ADCY2: variants seen among roughly 807,000 people sequenced by gnomAD.
The protein encoded by ADCY2 is adenylate cyclase 2.
In ADCY2, 31 loss-of-function variants were observed where a neutral mutation model predicts 125.2. The ratio of observed to expected loss-of-function variants is 0.25; its 90% confidence interval spans 0.19 to 0.33. The LOEUF (loss-of-function observed/expected upper bound fraction) is 0.33. ADCY2 is among the 10% of genes least tolerant of loss of function. The probability of loss-of-function intolerance (pLI) is 1.00; values close to 1 mark genes in which losing one functional copy is unlikely to be tolerated. For synonymous variants in ADCY2, 512 were observed against 548.4 expected (o/e 0.93, Z 0.93); for missense variants, 904 against 1,418.2 (o/e 0.64, Z 5.82).
At chr5:7,607,418 G>A (rs540619322) in intron 3 of ADCY2, among the ~76,000 whole-genome samples, 1 of 152,120 alleles carries the variant, frequency 6.6e-6, no homozygotes, top group Non-Finnish European at 1.5e-5. Context: ...TATTCACTTG[G>A]GGAGATTTAT....
chr5:7,727,776 C>A (rs982230078), intron 14 of ADCY2, among the ~76,000 whole-genome samples: 3 of 152,016 alleles, frequency 2.0e-5, no homozygotes, highest in African/African-American at 7.2e-5. Context: ...TTCAGCCGAC[C>A]TCTCCCCGGA....
At chr5:7,631,853 T>C (rs1738321121) in intron 4 of ADCY2, among the ~76,000 whole-genome samples, 2 of 152,100 alleles carry the variant, frequency 1.3e-5, no homozygotes, top group African/African-American at 4.8e-5. Flanking sequence ...CATGTGGTGG[T>C]GAGTTATTCA....
chr5:7,791,163 G>A (rs73737630), intron 20 of ADCY2, among the ~76,000 whole-genome samples: 1,643 of 152,122 alleles, frequency 0.011, 28 homozygotes, highest in African/African-American at 0.038. Context: ...GCAGCCATCC[G>A]TGTGGGAACA....
intron 2 of ADCY2, among the ~76,000 whole-genome samples, chr5:7,489,054 T>C (rs1260947843): frequency 6.6e-6 from 1 of 152,080 alleles, no homozygotes; most frequent in African/African-American, 2.4e-5. Flanking sequence ...GCAAGAAAAA[T>C]ATGCAAAACA....
chr5:7,466,081 C>T (rs1045674376), intron 2 of ADCY2, among the ~76,000 whole-genome samples: 1 of 152,094 alleles, frequency 6.6e-6, no homozygotes, highest in African/African-American at 2.4e-5. Context: ...TATTATGTGC[C>T]AGTAATGATT....
intron 1 of ADCY2, among the ~76,000 whole-genome samples, chr5:7,401,069 A>G (rs1561004842): frequency 6.6e-6 from 1 of 152,210 alleles, no homozygotes. Context: ...TGACCTTGGG[A>G]AAATTGTTTA....
At chr5:7,498,389 C>G (rs1743423220) in intron 2 of ADCY2, among the ~76,000 whole-genome samples, 1 of 151,802 alleles carries the variant, frequency 6.6e-6, no homozygotes, top group South Asian at 2.1e-4. Context: ...GCTGGGACTA[C>G]AGGCGCCCCC....
intron 1 of ADCY2, among the ~76,000 whole-genome samples, chr5:7,402,335 T>C (rs1739293775): frequency 6.6e-6 from 1 of 152,234 alleles, no homozygotes; most frequent in African/African-American, 2.4e-5. Context: ...AGTCCTTTTT[T>C]GGTATAAGGA....
intron 2 of ADCY2, among the ~76,000 whole-genome samples, chr5:7,464,909 T>C (rs1742047261): frequency 6.6e-6 from 1 of 152,174 alleles, no homozygotes. Flanking sequence ...CGAGACTGGG[T>C]AATTTTTAAT....
At chr5:7,505,516 A>T (rs1561062813) in intron 2 of ADCY2, among the ~76,000 whole-genome samples, 1 of 152,200 alleles carries the variant, frequency 6.6e-6, no homozygotes, top group African/African-American at 2.4e-5. Flanking sequence ...CATCCCCCTG[A>T]TGGGTTGGAG....
intron 2 of ADCY2, among the ~76,000 whole-genome samples, chr5:7,438,313 A>G (rs1274583971): frequency 1.3e-5 from 2 of 152,254 alleles, no homozygotes; most frequent in Admixed American, 6.5e-5. Context: ...AGAGCAGGAA[A>G]CAGAAGGAAT....
At chr5:7,499,793 A>G (rs1488887253) in intron 2 of ADCY2, among the ~76,000 whole-genome samples, 1 of 150,664 alleles carries the variant, frequency 6.6e-6, no homozygotes, top group African/African-American at 2.4e-5. Flanking sequence ...AAAAGCAAAG[A>G]AAACTGCCCA....
rs574785538 is a variant in ADCY2 at position 7,652,451 on chromosome 5, C to T, written c.720+26135C>T. ...CCATTGATCTTTTTTAAAGCGTGGCCGTATAGTTAACATTATAACAACAAT... is the reference window on the plus strand; with the variant it reads ...CCATTGATCTTTTTTAAAGCGTGGCTGTATAGTTAACATTATAACAACAAT... On this transcript the variant is annotated intron_variant, in intron 4 of 24. Transcript: ENST00000338316. Among the ~76,000 whole-genome samples the T allele has an allele frequency of 3.9e-5, 6 of 152,196 alleles. No individual in the cohort carries two copies. In the East Asian group the frequency reaches 7.7e-4, roughly 20 times the overall value.
intron 2 of ADCY2, among the ~76,000 whole-genome samples, chr5:7,501,132 A>T (rs1553243): frequency 0.24 from 18,874 of 77,642 alleles, 1,469 homozygotes; most frequent in East Asian, 0.42. Flanking sequence ...GCTTTTTTTT[A>T]AAAAAAAAAA....
At chr5:7,581,663 C>CAA (rs66835903) in intron 3 of ADCY2, among the ~76,000 whole-genome samples, 2,055 of 150,080 alleles carry the variant, frequency 0.014, 41 homozygotes, top group African/African-American at 0.047. Flanking sequence ...ACTAAAAATA[C>CAA]AAAAAAAAAT....
At chr5:7,528,648 A>G (rs916544642) in intron 3 of ADCY2, among the ~76,000 whole-genome samples, 3 of 152,212 alleles carry the variant, frequency 2.0e-5, no homozygotes, top group Non-Finnish European at 2.9e-5. Flanking sequence ...TATTCTGTTT[A>G]TTCTAAGCAA....
At chr5:7,411,330 T>G (rs1322662024) in intron 1 of ADCY2, among the ~76,000 whole-genome samples, 1 of 152,098 alleles carries the variant, frequency 6.6e-6, no homozygotes, top group Non-Finnish European at 1.5e-5. Context: ...TGAGGATGAC[T>G]CTCCTCCTCT....
Position 7,706,696 on chromosome 5 carries a change from G to T in ADCY2, c.1110-48G>T, listed in dbSNP as rs769705353. The T allele has an allele frequency of 7.5e-6, 12 of 1,599,176 alleles. No homozygotes were observed. The Admixed American group carries it at 1.2e-4, about 16-fold the overall frequency. ...TGGGAAAATTGGCCAAGAGTTAAAG[G>T]AAACAGTGGATGTTACTTGATCATG... On this transcript the variant is annotated intron_variant, in intron 7 of 24. Coordinates refer to ENST00000338316, the MANE Select transcript of ADCY2 (RefSeq NM_020546.3).
At chr5:7,403,103 C>G (rs1422733337) in intron 1 of ADCY2, among the ~76,000 whole-genome samples, 1 of 151,874 alleles carries the variant, frequency 6.6e-6, no homozygotes, top group African/African-American at 2.4e-5. Context: ...ACTCCCAACA[C>G]TGAATTATTT....
Sources: gnomAD v4.1 joint callset for allele counts (sites outside exome capture counted in the v4.1 genomes callset) on GRCh38, gnomAD v4.1.1 for gene constraint, MANE v1.5 for transcripts, NCBI Gene and HGNC (gene_info 2026-07-23, HGNC 2026-07-21) for gene names.